The following PDE3B variants were observed in gnomAD, a reference collection of about 807,000 sequenced individuals.
PDE3B encodes phosphodiesterase 3B, also known as cGMP-inhibited 3',5'-cyclic phosphodiesterase 3B.
PDE3B carries 66 observed loss-of-function variants against 116.8 expected under a neutral mutation model. The ratio of observed to expected loss-of-function variants is 0.56; its 90% CI spans 0.46 to 0.69. The LOEUF is 0.69. Ranked by LOEUF, PDE3B falls within the 30% of genes least tolerant of loss-of-function variation. The pLI, the probability that PDE3B is intolerant of heterozygous loss-of-function variation, is 0.00. For synonymous variants in PDE3B, 595 were observed against 533.6 expected (o/e 1.12, Z -1.59); for missense variants, 1,384 against 1,368.1 (o/e 1.01, Z -0.18).
chr11:14,712,411 AT>A (rs1378124154), intron 1 of PDE3B, among the ~76,000 whole-genome samples: 2 of 148,454 alleles, frequency 1.3e-5, no homozygotes, highest in Non-Finnish European at 3.0e-5. Context: ...GGTGCGTTAA[AT>A]ATTTACATTT....
At chr11:14,734,209 C>G (rs1856536158) in intron 1 of PDE3B, among the ~76,000 whole-genome samples, 6 of 152,140 alleles carry the variant, frequency 3.9e-5, no homozygotes, top group Admixed American at 3.9e-4. Flanking sequence ...GTAGCTGTTA[C>G]TACAGGCATA....
At chr11:14,770,718 G>A (rs1167339555) in intron 1 of PDE3B, among the ~76,000 whole-genome samples, 1 of 151,538 alleles carries the variant, frequency 6.6e-6, no homozygotes, top group East Asian at 1.9e-4. Context: ...CTGAGTGATT[G>A]TACTGTGTCT....
intron 1 of PDE3B, among the ~76,000 whole-genome samples, chr11:14,728,291 T>G (rs1856369587): frequency 6.6e-6 from 1 of 152,066 alleles, no homozygotes; most frequent in South Asian, 2.1e-4. Flanking sequence ...TTTTTATGCT[T>G]TCTGTGAAAG....
At chr11:14,850,180 C>G (rs1054510314) in intron 12 of PDE3B, among the ~76,000 whole-genome samples, 3 of 151,898 alleles carry the variant, frequency 2.0e-5, no homozygotes, top group Non-Finnish European at 4.4e-5. Flanking sequence ...GAGTTCATGT[C>G]CTTTGTAGGG....
chr11:14,644,168 C>A lies in PDE3B; in HGVS notation c.93C>A (p.Tyr31Ter). ...GSPPESLRNG[Y>*]VKSCVSPLRQ... ...CCCCCGAGAGTCTGAGGAACGGCTACGTGAAGAGCTGCGTGAGCCCCTTGC... is the reference window on the plus strand; with the variant it reads ...CCCCCGAGAGTCTGAGGAACGGCTAAGTGAAGAGCTGCGTGAGCCCCTTGC... Residue 31 changes from tyrosine to a stop codon, truncating the protein, a stop_gained, in exon 1 of 16, where the codon TAC (tyrosine) becomes TAA (stop). Transcript: ENST00000282096. LOFTEE classifies it high-confidence loss of function. 1 of 1,595,830 alleles carries A rather than the reference C, an allele frequency of 6.3e-7. No homozygotes were observed. Among genetic ancestry groups the A allele is most frequent in the Non-Finnish European group, 8.5e-7 (1 of 1,177,586 alleles).
At chr11:14,829,967 T>C (rs1008867395) in intron 7 of PDE3B, among the ~76,000 whole-genome samples, 1 of 152,204 alleles carries the variant, frequency 6.6e-6, no homozygotes, top group African/African-American at 2.4e-5. Flanking sequence ...TTTTGAACTT[T>C]TCTTAAAGAG....
chr11:14,821,136 A>C (rs947463725), intron 7 of PDE3B, among the ~76,000 whole-genome samples: 3 of 152,230 alleles, frequency 2.0e-5, no homozygotes, highest in African/African-American at 4.8e-5. Flanking sequence ...CAGAATTTCC[A>C]AGATGGGTTA....
At chr11:14,843,534 G>A (rs1847519443) in intron 11 of PDE3B, among the ~76,000 whole-genome samples, 1 of 152,034 alleles carries the variant, frequency 6.6e-6, no homozygotes, top group South Asian at 2.1e-4. Context: ...CAAATATTTA[G>A]AAAATCAGAG....
chr11:14,797,937 G>A (rs558188949), intron 4 of PDE3B, among the ~76,000 whole-genome samples: 1 of 152,094 alleles, frequency 6.6e-6, no homozygotes, highest in Non-Finnish European at 1.5e-5. Flanking sequence ...TCTCTTGCCC[G>A]ATTGCCCTGA....
chr11:14,667,372 C>T (rs1362951294), intron 1 of PDE3B, among the ~76,000 whole-genome samples: 1 of 151,228 alleles, frequency 6.6e-6, no homozygotes, highest in Non-Finnish European at 1.5e-5. Context: ...CAGCATGGCA[C>T]ATGTATACAC....
chr11:14,828,790 C>T (rs1859782014), intron 7 of PDE3B, among the ~76,000 whole-genome samples: 1 of 152,174 alleles, frequency 6.6e-6, no homozygotes, highest in Non-Finnish European at 1.5e-5. Context: ...TACCATCTGA[C>T]CCAGCAATCC....
chr11:14,847,240 A>G (rs1043830680), intron 12 of PDE3B, among the ~76,000 whole-genome samples: 1 of 151,988 alleles, frequency 6.6e-6, no homozygotes, highest in African/African-American at 2.4e-5. Context: ...CTGAATGACT[A>G]CTGGGTACAT....
In PDE3B at chr11:14,644,755, G is replaced by T; in HGVS notation, c.680G>T (p.Ser227Ile). 1 of 1,594,070 alleles carries T rather than the reference G, an allele frequency of 6.3e-7. No homozygotes were observed. Among genetic ancestry groups the T allele is most frequent in the Admixed American group, 1.8e-5 (1 of 56,788 alleles). Reference protein sequence around the residue: ...RHCVLVLLLASFVWWVSFTSL... With the variant: ...RHCVLVLLLAIFVWWVSFTSL... ...TGCGTTCTGGTGCTGCTCCTGGCCA[G>T]CTTCGTCTGGTGGGTCTCCTTCACC... is the stretch of plus-strand genomic sequence containing the variant. Residue 227 changes from serine (S) to isoleucine (I), a missense_variant, in exon 1 of 16, where the codon AGC (serine) becomes ATC (isoleucine). Ser to Ile is a moderately radical substitution (Grantham distance 142). Transcript: ENST00000282096.
intron 12 of PDE3B, among the ~76,000 whole-genome samples, chr11:14,845,816 C>A (rs895270522): frequency 4.6e-5 from 7 of 152,096 alleles, no homozygotes; most frequent in African/African-American, 1.7e-4. Flanking sequence ...ACAAACAAAG[C>A]CTCCAAGAAA....
chr11:14,715,244 C>A (rs985120195), intron 1 of PDE3B, among the ~76,000 whole-genome samples: 2 of 152,182 alleles, frequency 1.3e-5, no homozygotes, highest in African/African-American at 4.8e-5. Context: ...GCGATGCGGG[C>A]TCCTTTTTGG....
At chr11:14,843,716 A>G in intron 11 of PDE3B, 111 bp from the exon 12 acceptor site, 1 of 775,720 alleles carries the variant, frequency 1.3e-6, no homozygotes, top group African/African-American at 1.7e-5. Context: ...TCTTACTTAA[A>G]TCAGCAAATA....
chr11:14,721,463 A>C (rs201659094), intron 1 of PDE3B, among the ~76,000 whole-genome samples: 95 of 146,890 alleles, frequency 6.5e-4, no homozygotes, highest in African/African-American at 8.1e-4. Flanking sequence ...TGCTATAAAG[A>C]CACATGCACA....
At chr11:14,669,952 C>T (rs1468978458) in intron 1 of PDE3B, among the ~76,000 whole-genome samples, 2 of 152,102 alleles carry the variant, frequency 1.3e-5, no homozygotes, top group Non-Finnish European at 2.9e-5. Flanking sequence ...CTTTATATTG[C>T]ATATCCTCTT....
chr11:14,723,514 G>A (rs1030781062), intron 1 of PDE3B, among the ~76,000 whole-genome samples: 2 of 152,102 alleles, frequency 1.3e-5, no homozygotes, highest in African/African-American at 4.8e-5. Context: ...AGCAATTTTG[G>A]AGGCTAAGGT....
Sources: gnomAD v4.1 joint callset for allele counts (sites outside exome capture counted in the v4.1 genomes callset) on GRCh38, gnomAD v4.1.1 for gene constraint, MANE v1.5 for transcripts, NCBI Gene and HGNC (gene_info 2026-07-23, HGNC 2026-07-21) for gene names.